The following CNST variants were observed in gnomAD, a reference collection of about 807,000 sequenced individuals.
CNST encodes consortin, connexin sorting protein.
Under a neutral mutation model 72.4 loss-of-function variants are expected in CNST, and 39 were observed. That is an observed-to-expected ratio of 0.54 (90% CI 0.42 to 0.70). The LOEUF is 0.70. Ranked by LOEUF, CNST falls within the 30% of genes least tolerant of loss-of-function variation. The probability of loss-of-function intolerance (pLI) is 0.00; values close to 1 mark genes in which losing one functional copy is unlikely to be tolerated. For missense variants in CNST, 871 were observed against 868.5 expected (o/e 1.00, Z -0.04); for synonymous variants, 332 against 320.1 (o/e 1.04, Z -0.40).
chr1:246,610,872 G>A (rs935665149), intron 2 of CNST, among the ~76,000 whole-genome samples: 1 of 152,122 alleles, frequency 6.6e-6, no homozygotes, highest in South Asian at 2.1e-4. Flanking sequence ...TCCCAAGGAA[G>A]CGATCTTCCT....
intron 1 of CNST, among the ~76,000 whole-genome samples, chr1:246,578,439 G>A (rs1660571785): frequency 6.6e-6 from 1 of 152,004 alleles, no homozygotes; most frequent in Admixed American, 6.5e-5. Context: ...TTGGGAGGCT[G>A]AGGTGGGCGG....
At chr1:246,639,290 C>T (rs1665524239) in intron 6 of CNST, among the ~76,000 whole-genome samples, 1 of 152,034 alleles carries the variant, frequency 6.6e-6, no homozygotes, top group African/African-American at 2.4e-5. Context: ...ATCGGCTGTG[C>T]AGGGTTTAAA....
chr1:246,618,823 A>G (rs1663863970), intron 2 of CNST, among the ~76,000 whole-genome samples: 1 of 152,230 alleles, frequency 6.6e-6, no homozygotes, highest in Non-Finnish European at 1.5e-5. Flanking sequence ...TGCTAACTAA[A>G]TAACCGAGAT....
At chr1:246,597,317 A>G (rs775980918) in intron 2 of CNST, among the ~76,000 whole-genome samples, 4 of 152,244 alleles carry the variant, frequency 2.6e-5, no homozygotes, top group Non-Finnish European at 4.4e-5. Flanking sequence ...ACAAAGTTGT[A>G]CAATTTAATT....
intron 1 of CNST, among the ~76,000 whole-genome samples, chr1:246,590,357 A>T (rs934056442): frequency 8.5e-5 from 13 of 152,170 alleles, no homozygotes; most frequent in African/African-American, 2.9e-4. Context: ...TATTATTATT[A>T]TTTTTTTAAC....
chr1:246,586,135 GTGTGTGTA>G (rs1661179471), intron 1 of CNST, among the ~76,000 whole-genome samples: 1 of 140,848 alleles, frequency 7.1e-6, no homozygotes, highest in South Asian at 2.4e-4. Flanking sequence ...GTGTGTGTGT[GTGTGTGTA>G]TATATTACTG....
intron 6 of CNST, among the ~76,000 whole-genome samples, chr1:246,636,069 A>T (rs577195722): frequency 6.6e-6 from 1 of 152,220 alleles, no homozygotes; most frequent in Non-Finnish European, 1.5e-5. Flanking sequence ...CGCATAGTGC[A>T]CTTAGGCAGG....
intron 9 of CNST, 172 bp downstream of exon 9, chr1:246,648,209 A>G: frequency 7.1e-7 from 1 of 1,399,274 alleles, no homozygotes; most frequent in Middle Eastern, 2.7e-4. Flanking sequence ...TGTATTGAAT[A>G]AAATGACTTT....
intron 2 of CNST, among the ~76,000 whole-genome samples, chr1:246,596,939 A>G (rs922143991): frequency 2.0e-5 from 3 of 152,180 alleles, no homozygotes; most frequent in Non-Finnish European, 4.4e-5. Flanking sequence ...TGTTGCATGG[A>G]TAGACCGTAT....
At chr1:246,584,139 G>A (rs573915307) in intron 1 of CNST, among the ~76,000 whole-genome samples, 24 of 152,206 alleles carry the variant, frequency 1.6e-4, no homozygotes, top group African/African-American at 2.9e-4. Context: ...ATGGGGTCTC[G>A]CTTCAAGACC....
At position 246,634,481 on chromosome 1, in the gene CNST, T is replaced by C. The variant is rs780010747; in HGVS notation, c.712T>C (p.Trp238Arg). ...SAIQEQWETK[W>R]KTVQPHTVTA... ...AAATACTTTAAATTTAGAAACAAAATGGAAAACTGTGCAACCACATACAGT... is the reference window on the plus strand; with the variant it reads ...AAATACTTTAAATTTAGAAACAAAACGGAAAACTGTGCAACCACATACAGT... Residue 238 changes from tryptophan (W) to arginine (R), a missense_variant, in exon 6 of 11, where the codon TGG (tryptophan) becomes CGG (arginine). By Grantham distance (101) the Trp-to-Arg change is moderately radical (BLOSUM62 -3). Transcript: ENST00000366513. 26 of 1,571,722 alleles carry C rather than the reference T, an allele frequency of 1.7e-5. No individual in the cohort carries two copies. The East Asian group carries it at 5.2e-4, about 31-fold the overall frequency.
At chr1:246,579,747 T>C (rs1185065124) in intron 1 of CNST, among the ~76,000 whole-genome samples, 1 of 152,172 alleles carries the variant, frequency 6.6e-6, no homozygotes. Flanking sequence ...AGAGTGAGAC[T>C]CTGTCTCAAA....
At chr1:246,647,028 T>C (rs1666125189) in intron 8 of CNST, 111 bp from the exon 9 acceptor site, 8 of 986,716 alleles carry the variant, frequency 8.1e-6, no homozygotes, top group Non-Finnish European at 1.2e-5. Flanking sequence ...GAATTTCCAT[T>C]TGAAAGGGTT....
At chr1:246,660,521 T>G (rs1667038304) in intron 10 of CNST, among the ~76,000 whole-genome samples, 187 bp downstream of exon 10, 1 of 151,872 alleles carries the variant, frequency 6.6e-6, no homozygotes, top group South Asian at 2.1e-4. Context: ...AAATCAGGAG[T>G]TCGAGACAAG....
chr1:246,658,559 C>T (rs1379494893), intron 9 of CNST, among the ~76,000 whole-genome samples: 1 of 152,026 alleles, frequency 6.6e-6, no homozygotes, highest in African/African-American at 2.4e-5. Context: ...CCCTAAAAGC[C>T]CTAAGATATA....
At chr1:246,657,239 C>A (rs1666825315) in intron 9 of CNST, among the ~76,000 whole-genome samples, 1 of 152,140 alleles carries the variant, frequency 6.6e-6, no homozygotes, top group Non-Finnish European at 1.5e-5. Context: ...TGCTGTCCGC[C>A]ACTCCCACCT....
chr1:246,614,179 G>A (rs899947657), intron 2 of CNST, among the ~76,000 whole-genome samples: 2 of 152,022 alleles, frequency 1.3e-5, no homozygotes, highest in Non-Finnish European at 2.9e-5. Context: ...TCTTGAGGAT[G>A]GGACCCAAGT....
intron 2 of CNST, among the ~76,000 whole-genome samples, chr1:246,612,921 G>C (rs1663430460): frequency 6.6e-6 from 1 of 152,092 alleles, no homozygotes; most frequent in South Asian, 2.1e-4. Context: ...CTCAGTGTTA[G>C]GGACATACAA....
At chr1:246,578,214 A>C (rs1054198231) in intron 1 of CNST, among the ~76,000 whole-genome samples, 1 of 152,128 alleles carries the variant, frequency 6.6e-6, no homozygotes, top group African/African-American at 2.4e-5. Flanking sequence ...GAAATAATAT[A>C]TATGCATGAA....
Sources: allele counts gnomAD v4.1 joint callset (sites outside exome capture counted in the v4.1 genomes callset), GRCh38; gene constraint gnomAD v4.1.1; transcripts MANE v1.5; gene names NCBI Gene and HGNC (gene_info 2026-07-23, HGNC 2026-07-21).